The following FLACC1 variants were observed in gnomAD, a reference collection of about 807,000 sequenced individuals.
FLACC1 encodes the protein flagellum-associated coiled-coil domain-containing protein 1.
In FLACC1, 66 loss-of-function variants were observed where a neutral mutation model predicts 62.8. The observed-to-expected ratio is 1.05, with a 90% confidence interval of 0.86 to 1.29. The LOEUF (loss-of-function observed/expected upper bound fraction) is 1.29, where lower values mean the gene tolerates loss of function less well. Among genes scored for constraint, FLACC1 ranks in the 50% most tolerant of loss-of-function variants. The pLI, the probability that FLACC1 is intolerant of heterozygous loss-of-function variation, is 0.00. For missense variants in FLACC1, 452 were observed against 489.1 expected (o/e 0.92, Z 0.71); for synonymous variants, 156 against 161.0 (o/e 0.97, Z 0.24).
chr2:201,321,238 C>T lies in FLACC1; in HGVS notation c.675+9232G>A, dbSNP rs191263646. Among the ~76,000 whole-genome samples the T allele has an allele frequency of 2.8e-4, 42 of 152,278 alleles. No homozygotes were observed. In the East Asian group the frequency reaches 7.3e-3, roughly 27 times the overall value. ...CTTGCAGATATTCCCTAGCACCAGCCTGGGGTGTGGTACCTTCACTGGACA... is the reference window on the plus strand; with the variant it reads ...CTTGCAGATATTCCCTAGCACCAGCTTGGGGTGTGGTACCTTCACTGGACA... On this transcript the variant is annotated intron_variant, in intron 9 of 14. Transcript: ENST00000392257.
rs574499352 is a variant in FLACC1, at chr2:201,319,005, G to C, written c.676-9755C>G. Among the ~76,000 whole-genome samples, 55 of 152,178 alleles carry C rather than the reference G, an allele frequency of 3.6e-4. 2 individuals are homozygous for C. In the South Asian group the frequency reaches 0.011, roughly 30 times the overall value. On this transcript the variant is annotated intron_variant, in intron 9 of 14. Transcript: ENST00000392257. ...AAATTGAGTGCAGTGTATACTGCTC[G>C]GGTGATGGGCACACCAAAATCTCAC...
Position 201,351,433 on chromosome 2 carries a change from C to T in FLACC1, c.-29G>A, listed in dbSNP as rs768434127. ...CAAAGGTCAGGGGGAGTCTTGGCTGCTAGATCAGGAGGCTCTTGCTGAAAT... is the reference window on the plus strand; with the variant it reads ...CAAAGGTCAGGGGGAGTCTTGGCTGTTAGATCAGGAGGCTCTTGCTGAAAT... On this transcript the variant is annotated 5_prime_UTR_variant, in exon 2 of 15. Transcript: ENST00000392257. The T allele has an allele frequency of 1.2e-5, 18 of 1,526,780 alleles. No homozygotes were observed. The highest frequency in any genetic ancestry group is 1.4e-5 in the African/African-American group (1 of 73,126). The allele number at this position is 1,526,780 out of a possible 1,614,324, so 94.6% of individuals were successfully genotyped here.
intron 9 of FLACC1, among the ~76,000 whole-genome samples, chr2:201,325,316 A>G (rs1207547644): frequency 6.6e-6 from 1 of 152,180 alleles, no homozygotes; most frequent in African/African-American, 2.4e-5. Flanking sequence ...TGAACATCAG[A>G]GCAGAACTAA....
At chr2:201,362,527 G>A in the FLACC1 span, among the ~76,000 whole-genome samples, 3 of 152,116 alleles carry the variant, frequency 2.0e-5, no homozygotes, top group African/African-American at 7.2e-5. Flanking sequence ...GTGATGGCAT[G>A]CAGCTGATAA....
intron 12 of FLACC1, among the ~76,000 whole-genome samples, chr2:201,291,790 C>T (rs1303616655): frequency 3.3e-5 from 5 of 152,216 alleles, no homozygotes; most frequent in African/African-American, 9.6e-5. Flanking sequence ...AAAGATTAGA[C>T]GAATGGCTAA....
chr2:201,354,705 G>A (rs904331720), intron 1 of FLACC1, among the ~76,000 whole-genome samples: 5 of 152,198 alleles, frequency 3.3e-5, no homozygotes, highest in African/African-American at 1.2e-4. Flanking sequence ...CTTCTGCTTA[G>A]AACCTTGTAT....
chr2:201,362,579 C>G, the FLACC1 span, among the ~76,000 whole-genome samples: 1 of 152,166 alleles, frequency 6.6e-6, no homozygotes, highest in Non-Finnish European at 1.5e-5. Flanking sequence ...CAGACAGCCT[C>G]CCTCTATGAC....
At chr2:201,341,768 G>A (rs1307360947) in intron 7 of FLACC1, among the ~76,000 whole-genome samples, 1 of 151,930 alleles carries the variant, frequency 6.6e-6, no homozygotes, top group African/African-American at 2.4e-5. Flanking sequence ...ATATAAACTT[G>A]TTCACCCTAC....
intron 12 of FLACC1, among the ~76,000 whole-genome samples, chr2:201,297,077 G>T (rs1454099927): frequency 1.3e-5 from 2 of 152,168 alleles, no homozygotes; most frequent in African/African-American, 4.8e-5. Context: ...AAGAAATCAA[G>T]GATGACTTCA....
chr2:201,330,615 C>T, intron 8 of FLACC1, 93 bp from the exon 9 acceptor site: 1 of 1,527,060 alleles, frequency 6.5e-7, no homozygotes, highest in South Asian at 1.2e-5. Context: ...CCTTCCCCAC[C>T]CCAAACTCAT....
chr2:201,360,550 G>T (rs1951177668), upstream of FLACC1, among the ~76,000 whole-genome samples: 1 of 152,186 alleles, frequency 6.6e-6, no homozygotes, highest in Non-Finnish European at 1.5e-5. Context: ...TCTCCAACTT[G>T]CTCACTTGCT....
chr2:201,299,415 T>A (rs1576416486), intron 11 of FLACC1, 115 bp from the exon 12 acceptor site: 1 of 757,992 alleles, frequency 1.3e-6, no homozygotes, highest in Non-Finnish European at 2.2e-6. Context: ...GCTTAGACAC[T>A]GCTATAATGA....
chr2:201,359,006 A>G (rs1418786400), upstream of FLACC1, among the ~76,000 whole-genome samples: 1 of 152,234 alleles, frequency 6.6e-6, no homozygotes, highest in East Asian at 1.9e-4. Flanking sequence ...ACTGCAATAT[A>G]GGGAAGCAAT....
intron 12 of FLACC1, among the ~76,000 whole-genome samples, chr2:201,295,781 T>A (rs562941083): frequency 6.6e-6 from 1 of 151,946 alleles, no homozygotes; most frequent in Non-Finnish European, 1.5e-5. Context: ...GGGTTAATAT[T>A]CCAGAATCTA....
chr2:201,323,121 T>C (rs751737549), intron 9 of FLACC1, among the ~76,000 whole-genome samples: 13 of 152,158 alleles, frequency 8.5e-5, no homozygotes, highest in Non-Finnish European at 1.8e-4. Context: ...TAAGAATAAC[T>C]GGTGTTCCAG....
At chr2:201,302,377 C>T (rs916952485) in intron 11 of FLACC1, among the ~76,000 whole-genome samples, 9 of 152,158 alleles carry the variant, frequency 5.9e-5, no homozygotes, top group African/African-American at 1.9e-4. Flanking sequence ...ACAAGAAGAG[C>T]TAACTATCCT....
rs116005320 is a variant in FLACC1 at position 201,342,212 on chromosome 2, T to A, written c.524+158A>T. Among the ~76,000 whole-genome samples the A allele has an allele frequency of 3.2e-3, 480 of 152,300 alleles. 5 individuals carry two copies. The highest frequency in any genetic ancestry group is 0.011 in the African/African-American group (458 of 41,558). On this transcript the variant is annotated intron_variant, in intron 7 of 14. Transcript: ENST00000392257. ...TTTTAGTGGCTTTGAATCAAGCCAT[T>A]CTGCTCTTCAAAGACACGTGTCTTG...
chr2:201,289,672 A>G (rs767415535), intron 13 of FLACC1, 24 bp downstream of exon 13: 1 of 1,611,994 alleles, frequency 6.2e-7, no homozygotes, highest in South Asian at 1.1e-5. Context: ...CCCAACCCCC[A>G]TCCCCACTCC....
In FLACC1 at chr2:201,307,609, G is replaced by C; in HGVS notation, c.789C>G (p.Thr263=). The C allele has an allele frequency of 6.2e-7, 1 of 1,613,496 alleles. No homozygotes were observed. Among genetic ancestry groups the C allele is most frequent in the East Asian group, 2.2e-5 (1 of 44,880 alleles). ...NILLQQKKKM[T]KKFEMESGEE... ...CTCCTGACTCCATTTCGAATTTTTT[G>C]GTCATCTTTTTTTCTGTGGAAGTGA... The change falls in exon 11 of 15, where the codon ACC becomes ACG. Residue 263 remains threonine, a synonymous_variant. Coordinates refer to ENST00000392257, the MANE Select transcript of FLACC1 (RefSeq NM_001127391.3).
Sources: allele counts gnomAD v4.1 joint callset (sites outside exome capture counted in the v4.1 genomes callset), GRCh38; gene constraint gnomAD v4.1.1; transcripts MANE v1.5; gene names NCBI Gene and HGNC (gene_info 2026-07-23, HGNC 2026-07-21).